TTI1: variants seen among roughly 807,000 people sequenced by gnomAD.
TTI1 encodes TELO2 interacting protein 1, also known as TELO2-interacting protein 1 homolog.
Under a neutral mutation model 85.4 loss-of-function variants are expected in TTI1, and 52 were observed. The ratio of observed to expected loss-of-function variants is 0.61; its 90% CI spans 0.49 to 0.77. The LOEUF is 0.77. Ranked by LOEUF, TTI1 falls within the 30% of genes least tolerant of loss-of-function variation. The pLI is 0.00. For missense variants in TTI1, 1,173 were observed against 1,296.0 expected, an observed-to-expected ratio of 0.91 and a Z score of 1.46; for synonymous variants, 512 against 503.9, an observed-to-expected ratio of 1.02 and a Z score of -0.22.
chr20:38,027,232 G>GTA (rs2073847799), intron 1 of TTI1, among the ~76,000 whole-genome samples: 1 of 152,088 alleles, frequency 6.6e-6, no homozygotes, highest in African/African-American at 2.4e-5. Context: ...AAATAGTGTA[G>GTA]TATTTGCATA....
At chr20:38,018,608 A>T (rs1454346883) in intron 1 of TTI1, among the ~76,000 whole-genome samples, 1 of 152,176 alleles carries the variant, frequency 6.6e-6, no homozygotes, top group African/African-American at 2.4e-5. Flanking sequence ...TTATTTGGCC[A>T]ATACAAAGAA....
chr20:37,997,052 G>A, intron 5 of TTI1, 99 bp from the exon 6 acceptor site: 1 of 1,297,992 alleles, frequency 7.7e-7, no homozygotes, highest in East Asian at 2.5e-5. Flanking sequence ...TCTCTGCTTG[G>A]GGGAAAAAAA....
At position 37,983,309 on chromosome 20, in the gene TTI1, G is replaced by T; in HGVS notation, c.*147C>A. On this transcript the variant is annotated 3_prime_UTR_variant, in exon 8 of 8. Coordinates refer to ENST00000373447, the MANE Select transcript of TTI1 (RefSeq NM_001303457.2). ...TCCTTCAATCCATTTCTAAGCAGTT[G>T]TGTGATCGATCAATTTATAAATCGA... 4.1e-6 allele frequency: 3 copies of T among 729,410 alleles called. No homozygotes were observed. The highest frequency in any genetic ancestry group is 4.4e-6 in the Non-Finnish European group (2 of 459,294). The allele number at this position is 729,410 out of a possible 1,614,324, so 45.2% of individuals were successfully genotyped here.
Position 38,011,545 on chromosome 20 carries a change from T to G in TTI1, c.2272A>C (p.Ser758Arg). The G allele has an allele frequency of 2.5e-6, 4 of 1,614,148 alleles. No individual in the cohort carries two copies. Among genetic ancestry groups the G allele is most frequent in the Non-Finnish European group, 3.4e-6 (4 of 1,180,014 alleles). ...FYDKRAASFV[S>R]VLHALMAALA... is the part of the protein sequence containing the mutation. ...GCTGCCATCAGAGCATGCAGAACGC[T>G]GACAAAGGAAGCAGCTCTCTTATCG... The change falls in exon 2 of 8, where the codon AGC (serine) becomes CGC (arginine). Residue 758 changes from serine (S) to arginine (R), a missense_variant. Ser to Arg is a moderately radical substitution (Grantham distance 110). Transcript: ENST00000373447.
intron 7 of TTI1, chr20:37,987,325 C>T: frequency 2.2e-6 from 1 of 456,738 alleles, no homozygotes; most frequent in Non-Finnish European, 4.4e-6. Flanking sequence ...AAAGACAGGA[C>T]CTCTGCTTTG....
intron 4 of TTI1, chr20:38,000,653 G>A (rs933981386): frequency 3.4e-4 from 52 of 152,668 alleles, no homozygotes; most frequent in African/African-American, 1.2e-3. Flanking sequence ...TGCCATTGAG[G>A]GGTGAATAAT....
At chr20:37,987,658 C>T (rs1415226538) in intron 7 of TTI1, among the ~76,000 whole-genome samples, 1 of 152,200 alleles carries the variant, frequency 6.6e-6, no homozygotes, top group East Asian at 1.9e-4. Flanking sequence ...GGCCGTGTAG[C>T]TTAAATGATA....
chr20:37,998,256 C>A (rs1377575485), intron 5 of TTI1, among the ~76,000 whole-genome samples: 4 of 152,068 alleles, frequency 2.6e-5, no homozygotes, highest in Non-Finnish European at 4.4e-5. Context: ...GGCACACATA[C>A]ATACACACAC....
At chr20:37,988,463 A>C (rs1600600863) in intron 7 of TTI1, among the ~76,000 whole-genome samples, 1 of 152,224 alleles carries the variant, frequency 6.6e-6, no homozygotes, top group African/African-American at 2.4e-5. Context: ...GATCTAGAAA[A>C]CCGCCAGCCA....
At chr20:38,031,522 T>G (rs2073906193) in intron 1 of TTI1, among the ~76,000 whole-genome samples, 1 of 152,192 alleles carries the variant, frequency 6.6e-6, no homozygotes, top group Non-Finnish European at 1.5e-5. Context: ...ACATATACAT[T>G]CCTTATCCTC....
chr20:38,011,783 A>G lies in TTI1; in HGVS notation c.2034T>C (p.Val678=), dbSNP rs774158957. The change falls in exon 2 of 8, where the codon GTT becomes GTC. Residue 678 remains valine, a synonymous_variant. Coordinates refer to ENST00000373447, the MANE Select transcript of TTI1 (RefSeq NM_001303457.2). Reference sequence around the variant, plus strand: ...GGGAGTCGTAGCCACAAGCACGGCAAACGTCCATCATGGTGCTGGTAGCCA... The same window carrying G: ...GGGAGTCGTAGCCACAAGCACGGCAGACGTCCATCATGGTGCTGGTAGCCA... ...SQVATSTMMD[V]CRACGYDSLQ... 4.3e-6 allele frequency: 7 copies of G among 1,614,232 alleles called. No individual in the cohort carries two copies. The highest frequency in any genetic ancestry group is 5.9e-6 in the Non-Finnish European group (7 of 1,180,032).
intron 3 of TTI1, among the ~76,000 whole-genome samples, chr20:38,003,752 CA>C (rs61171915): frequency 0.32 from 37,570 of 118,684 alleles, 4,983 homozygotes; most frequent in Admixed American, 0.37. Context: ...AACTCTGTCT[CA>C]AAAAAAAAAA....
At chr20:38,032,197 G>T (rs564182992) in intron 1 of TTI1, among the ~76,000 whole-genome samples, 1 of 152,316 alleles carries the variant, frequency 6.6e-6, no homozygotes, top group South Asian at 2.1e-4. Flanking sequence ...TCCAAAGGGG[G>T]ATAATATAAT....
In TTI1 at chr20:37,989,068, C is replaced by T. The variant is rs150705004; in HGVS notation, c.3087-5429G>A. 6.2e-4 allele frequency among the ~76,000 whole-genome samples: 95 copies of T among 152,310 alleles called. 3 individuals carry two copies. The South Asian group carries it at 8.7e-3, about 14-fold the overall frequency. On this transcript the variant is annotated intron_variant, in intron 7 of 7. Coordinates refer to ENST00000373447, the MANE Select transcript of TTI1 (RefSeq NM_001303457.2). ...TGGTTAACCAGTATTTCAAGCCTGT[C>T]CTTTCTTGCTATTCAATTTAGCTAT...
At position 38,012,464 on chromosome 20, in the gene TTI1, C is replaced by G; in HGVS notation, c.1353G>C (p.Trp451Cys). The change falls in exon 2 of 8, where the codon TGG becomes TGC. Residue 451 changes from tryptophan (W) to cysteine (C), a missense_variant. Trp to Cys is a radical substitution (Grantham distance 215). Coordinates refer to ENST00000373447, the MANE Select transcript of TTI1 (RefSeq NM_001303457.2). ...GAGAAGCATTCAGATCATCAGAGTTCCAACGCCGTTCCTCAACAATCTTGA... is the reference window on the plus strand; with the variant it reads ...GAGAAGCATTCAGATCATCAGAGTTGCAACGCCGTTCCTCAACAATCTTGA... Reference protein sequence around the residue: ...ADIKIVEERRWNSDDLNASPK... With the variant: ...ADIKIVEERRCNSDDLNASPK... The G allele has an allele frequency of 6.2e-7, 1 of 1,614,192 alleles. No individual in the cohort carries two copies. The highest frequency in any genetic ancestry group is 1.3e-5 in the African/African-American group (1 of 75,052).
chr20:37,994,686 C>A (rs543745904), intron 7 of TTI1, among the ~76,000 whole-genome samples: 2 of 152,262 alleles, frequency 1.3e-5, no homozygotes, highest in South Asian at 2.1e-4. Flanking sequence ...CTTCCTCCCC[C>A]TCCCTGCCCA....
At chr20:37,983,760 T>A in intron 7 of TTI1, 121 bp from the exon 8 acceptor site, 14 of 995,974 alleles carry the variant, frequency 1.4e-5, no homozygotes, top group Non-Finnish European at 1.9e-5. Context: ...CAATATCAAG[T>A]CACTTCAAAT....
intron 2 of TTI1, among the ~76,000 whole-genome samples, chr20:38,007,351 G>C (rs1346620155): frequency 6.6e-6 from 1 of 152,188 alleles, no homozygotes; most frequent in Non-Finnish European, 1.5e-5. Context: ...AGTCACCACA[G>C]AATAAACTTC....
intron 7 of TTI1, chr20:37,987,482 C>T (rs2073206860): frequency 2.6e-6 from 1 of 379,500 alleles, no homozygotes. Context: ...CACCATTTAA[C>T]TCCTGAACAA....
Sources: gnomAD v4.1 joint callset for allele counts (sites outside exome capture counted in the v4.1 genomes callset) on GRCh38, gnomAD v4.1.1 for gene constraint, MANE v1.5 for transcripts, NCBI Gene and HGNC (gene_info 2026-07-23, HGNC 2026-07-21) for gene names.